DOCK7: variants seen among roughly 807,000 people sequenced by gnomAD.
DOCK7 encodes dedicator of cytokinesis protein 7.
Under a neutral mutation model 271.0 loss-of-function variants are expected in DOCK7, and 138 were observed. That is an observed-to-expected ratio of 0.51 (90% CI 0.44 to 0.59). DOCK7 has a LOEUF of 0.59. Ranked by LOEUF, DOCK7 falls within the 20% of genes least tolerant of loss-of-function variation. The probability of loss-of-function intolerance (pLI) is 0.00; values close to 1 mark genes in which losing one functional copy is unlikely to be tolerated. For synonymous variants in DOCK7, 823 were observed against 876.1 expected (o/e 0.94, Z 1.07); for missense variants, 2,066 against 2,592.4 (o/e 0.80, Z 4.41).
chr1:62,651,600 T>A (rs988633732), intron 4 of DOCK7, among the ~76,000 whole-genome samples: 1 of 151,600 alleles, frequency 6.6e-6, no homozygotes, highest in African/African-American at 2.4e-5. Flanking sequence ...ATTAAGCCCA[T>A]CTGCTGAGTC....
chr1:62,604,267 C>T (rs936140737), intron 14 of DOCK7: 1 of 1,608,402 alleles, frequency 6.2e-7, no homozygotes, highest in Non-Finnish European at 8.5e-7. Context: ...ACTTTATTTT[C>T]ATATCTTCAA....
At chr1:62,488,777 C>A in intron 42 of DOCK7, 157 bp downstream of exon 42, 1 of 908,584 alleles carries the variant, frequency 1.1e-6, no homozygotes, top group East Asian at 2.7e-5. Flanking sequence ...TGTTAATGAG[C>A]TTTGCTTTGG....
At chr1:62,555,455 G>C (rs1184521115) in intron 21 of DOCK7, 1 of 160,288 alleles carries the variant, frequency 6.2e-6, no homozygotes, top group East Asian at 1.8e-4. Flanking sequence ...AAATTCCTGG[G>C]CTCATGAGAT....
At chr1:62,500,037 C>T (rs887395509) in intron 37 of DOCK7, among the ~76,000 whole-genome samples, 2 of 151,944 alleles carry the variant, frequency 1.3e-5, no homozygotes, top group African/African-American at 4.8e-5. Flanking sequence ...ATAGCAAAAT[C>T]CCAGCCAAAA....
At chr1:62,597,628 A>C in intron 14 of DOCK7, 1 of 1,612,674 alleles carries the variant, frequency 6.2e-7, no homozygotes, top group Non-Finnish European at 8.5e-7. Flanking sequence ...AGAATTGATC[A>C]AGACAATTCA....
At position 62,538,722 on chromosome 1, in the gene DOCK7, T is replaced by C. The variant is rs76176236; in HGVS notation, c.3301-661A>G. Among the ~76,000 whole-genome samples the C allele has an allele frequency of 8.8e-3, 1,339 of 152,300 alleles. 43 individuals carry two copies. The East Asian group carries it at 0.1, about 11-fold the overall frequency. ...AACAATAAAGGCATCCAATAGAATA[T>C]TCAAAATTCTAAATATTAGACTGCC... On this transcript the variant is annotated intron_variant, in intron 27 of 49. Coordinates refer to ENST00000635253, the MANE Select transcript of DOCK7 (RefSeq NM_001367561.1).
At chr1:62,525,671 C>T (rs1373177387) in intron 31 of DOCK7, among the ~76,000 whole-genome samples, 1 of 152,188 alleles carries the variant, frequency 6.6e-6, no homozygotes, top group Non-Finnish European at 1.5e-5. Flanking sequence ...TTAAACTGAG[C>T]AGTGGATATG....
intron 40 of DOCK7, 100 bp downstream of exon 40, chr1:62,494,175 A>C: frequency 8.9e-7 from 1 of 1,129,614 alleles, no homozygotes; most frequent in Non-Finnish European, 1.2e-6. Context: ...TTAAGTCTTT[A>C]AGCTTTCCTT....
At chr1:62,614,947 CAT>C (rs1652258856) in intron 14 of DOCK7, among the ~76,000 whole-genome samples, 1 of 151,850 alleles carries the variant, frequency 6.6e-6, no homozygotes, top group African/African-American at 2.4e-5. Flanking sequence ...GGTTTCGTCA[CAT>C]GTCATTTAGC....
At chr1:62,645,985 A>AAAATAC (rs1336602224) in intron 7 of DOCK7, among the ~76,000 whole-genome samples, 8 of 151,978 alleles carry the variant, frequency 5.3e-5, no homozygotes, top group Non-Finnish European at 2.9e-5. Context: ...ATCTCTACTA[A>AAAATAC]AAATACAAAA....
intron 21 of DOCK7, among the ~76,000 whole-genome samples, chr1:62,554,825 A>C (rs1646085460): frequency 6.6e-6 from 1 of 152,232 alleles, no homozygotes; most frequent in South Asian, 2.1e-4. Context: ...TTAAAAATTA[A>C]CATAGGAAAT....
chr1:62,652,266 T>C (rs1382714050), intron 4 of DOCK7, among the ~76,000 whole-genome samples: 1 of 152,178 alleles, frequency 6.6e-6, no homozygotes, highest in African/African-American at 2.4e-5. Context: ...TTCTGTACTA[T>C]AGTTTTCTCT....
intron 34 of DOCK7, among the ~76,000 whole-genome samples, 195 bp from the exon 35 acceptor site, chr1:62,508,253 CTT>C (rs1298685372): frequency 6.6e-6 from 1 of 152,078 alleles, no homozygotes; most frequent in African/African-American, 2.4e-5. Context: ...ACAATACACA[CTT>C]TCTCACCCCA....
At chr1:62,488,576 T>C (rs904216076) in intron 42 of DOCK7, 2 of 191,286 alleles carry the variant, frequency 1.0e-5, no homozygotes, top group African/African-American at 2.4e-5. Context: ...AACTGAAATA[T>C]AAAAACTTCA....
chr1:62,619,472 C>A (rs1357369103), intron 13 of DOCK7, among the ~76,000 whole-genome samples: 1 of 152,130 alleles, frequency 6.6e-6, no homozygotes, highest in Non-Finnish European at 1.5e-5. Context: ...ACATACATGC[C>A]TACAATAAAG....
chr1:62,675,546 G>A (rs1660456028), intron 1 of DOCK7, among the ~76,000 whole-genome samples: 1 of 152,178 alleles, frequency 6.6e-6, no homozygotes, highest in Non-Finnish European at 1.5e-5. Flanking sequence ...ACTTTGGGAG[G>A]CCGAGGCGGG....
chr1:62,682,059 A>C (rs867891738), intron 1 of DOCK7, among the ~76,000 whole-genome samples: 49 of 152,236 alleles, frequency 3.2e-4, no homozygotes, highest in Middle Eastern at 3.4e-3. Context: ...AAAAAAAAAA[A>C]CAGCAGAACA....
chr1:62,618,938 G>C, intron 13 of DOCK7, 70 bp from the exon 14 acceptor site: 1 of 1,401,452 alleles, frequency 7.1e-7, no homozygotes, highest in Non-Finnish European at 9.8e-7. Flanking sequence ...TTTTTTAAAG[G>C]ACTTGGATCC....
intron 45 of DOCK7, 56 bp downstream of exon 45, chr1:62,476,011 T>C: frequency 6.2e-7 from 1 of 1,601,620 alleles, no homozygotes; most frequent in Non-Finnish European, 8.5e-7. Flanking sequence ...CAAACAAAAT[T>C]GCACAGAGGA....
Sources: gnomAD v4.1 joint callset for allele counts (sites outside exome capture counted in the v4.1 genomes callset) on GRCh38, gnomAD v4.1.1 for gene constraint, MANE v1.5 for transcripts, NCBI Gene and HGNC (gene_info 2026-07-23, HGNC 2026-07-21) for gene names.